Variants in XKR4 observed in about 807,000 individuals in gnomAD.
The protein encoded by XKR4 is XK-related protein 4.
Under a neutral mutation model 53.9 loss-of-function variants are expected in XKR4, and 12 were observed. That is an observed-to-expected ratio of 0.22 (90% CI 0.14 to 0.36). The LOEUF (loss-of-function observed/expected upper bound fraction) is 0.36. XKR4 is among the 10% of genes least tolerant of loss of function. The pLI, the probability that XKR4 is intolerant of heterozygous loss-of-function variation, is 1.00. For synonymous variants in XKR4, 354 were observed against 362.4 expected, an observed-to-expected ratio of 0.98 and a Z score of 0.26; for missense variants, 799 against 859.5, an observed-to-expected ratio of 0.93 and a Z score of 0.88.
At chr8:55,428,718 C>A (rs748856457) in intron 2 of XKR4, among the ~76,000 whole-genome samples, 4 of 152,170 alleles carry the variant, frequency 2.6e-5, no homozygotes, top group Admixed American at 6.6e-5. Context: ...GTAGAGTCAG[C>A]AAAACCTGTG....
At chr8:55,326,150 G>A (rs1200701185) in intron 1 of XKR4, among the ~76,000 whole-genome samples, 1 of 152,176 alleles carries the variant, frequency 6.6e-6, no homozygotes, top group African/African-American at 2.4e-5. Context: ...GATAAATACA[G>A]AGGAAAGAAT....
chr8:55,357,116 T>G (rs965082075), intron 1 of XKR4, among the ~76,000 whole-genome samples: 2 of 152,196 alleles, frequency 1.3e-5, no homozygotes, highest in Non-Finnish European at 2.9e-5. Context: ...TCAACTACAT[T>G]GATATCCCAA....
intron 1 of XKR4, among the ~76,000 whole-genome samples, chr8:55,125,491 C>A (rs1043605540): frequency 5.9e-5 from 9 of 152,216 alleles, no homozygotes; most frequent in Non-Finnish European, 1.3e-4. Context: ...GCCTTGGTCT[C>A]CCAAAGTCCT....
At chr8:55,462,747 A>C (rs191637594) in intron 2 of XKR4, among the ~76,000 whole-genome samples, 1 of 152,212 alleles carries the variant, frequency 6.6e-6, no homozygotes. Context: ...GTGCAGAGAC[A>C]CACATAGGCT....
intron 1 of XKR4, among the ~76,000 whole-genome samples, chr8:55,182,189 T>C (rs1219311343): frequency 6.6e-6 from 1 of 152,160 alleles, no homozygotes; most frequent in Non-Finnish European, 1.5e-5. Context: ...GGCTTATAAA[T>C]GTTACCTTCC....
intron 2 of XKR4, among the ~76,000 whole-genome samples, chr8:55,416,399 A>G (rs1804846237): frequency 6.6e-6 from 1 of 152,234 alleles, no homozygotes; most frequent in Non-Finnish European, 1.5e-5. Context: ...CTCACCATGT[A>G]ATCTTACCCT....
At chr8:55,231,245 A>T (rs1818034925) in intron 1 of XKR4, among the ~76,000 whole-genome samples, 3 of 152,242 alleles carry the variant, frequency 2.0e-5, no homozygotes, top group Non-Finnish European at 2.9e-5. Context: ...ATGAGGAATG[A>T]ACTGAAGTAC....
At chr8:55,457,060 G>A (rs989103913) in intron 2 of XKR4, among the ~76,000 whole-genome samples, 1 of 151,226 alleles carries the variant, frequency 6.6e-6, no homozygotes, top group Non-Finnish European at 1.5e-5. Flanking sequence ...AAAAAAATAT[G>A]ATTAATAGCT....
chr8:55,139,707 A>AGAAT (rs1411049219), intron 1 of XKR4, among the ~76,000 whole-genome samples: 3 of 151,868 alleles, frequency 2.0e-5, no homozygotes, highest in African/African-American at 7.3e-5. Context: ...TTTCTTTGAG[A>AGAAT]GAATACTGAA....
intron 1 of XKR4, among the ~76,000 whole-genome samples, chr8:55,209,318 C>T (rs1448767057): frequency 1.3e-5 from 2 of 152,074 alleles, no homozygotes; most frequent in South Asian, 2.1e-4. Context: ...TTGCTGTCCT[C>T]GTTCCCATTT....
intron 1 of XKR4, among the ~76,000 whole-genome samples, chr8:55,301,404 A>T (rs1418224410): frequency 6.6e-6 from 1 of 151,990 alleles, no homozygotes; most frequent in African/African-American, 2.4e-5. Context: ...GTTGTTGGAC[A>T]TTTGGGTTGG....
intron 1 of XKR4, among the ~76,000 whole-genome samples, chr8:55,193,922 A>G (rs1008304714): frequency 6.6e-6 from 1 of 152,170 alleles, no homozygotes; most frequent in African/African-American, 2.4e-5. Flanking sequence ...CCGACCTTGC[A>G]GAGTGGCTGG....
chr8:55,306,175 C>T (rs986803853), intron 1 of XKR4, among the ~76,000 whole-genome samples: 4 of 152,068 alleles, frequency 2.6e-5, no homozygotes, highest in Admixed American at 2.0e-4. Flanking sequence ...GCATGTGGGC[C>T]GATAAACTGA....
chr8:55,199,911 C>G (rs79059662), intron 1 of XKR4, among the ~76,000 whole-genome samples: 1 of 152,100 alleles, frequency 6.6e-6, no homozygotes, highest in East Asian at 1.9e-4. Context: ...GATGAAGAAA[C>G]CAAAGCTTAA....
intron 2 of XKR4, among the ~76,000 whole-genome samples, chr8:55,437,964 A>T: frequency 8.8e-6 from 1 of 113,272 alleles, no homozygotes; most frequent in South Asian, 2.7e-4. Context: ...CAAAAAAAAA[A>T]AAGAAGAAGA....
intron 1 of XKR4, among the ~76,000 whole-genome samples, chr8:55,104,970 C>CGAA (rs1006253037): frequency 1.8e-4 from 27 of 152,114 alleles, no homozygotes; most frequent in Admixed American, 4.6e-4. Flanking sequence ...CTTAACATTC[C>CGAA]ATTTGTTAAC....
chr8:55,305,177 T>A (rs1819277422), intron 1 of XKR4, among the ~76,000 whole-genome samples: 1 of 152,104 alleles, frequency 6.6e-6, no homozygotes, highest in African/African-American at 2.4e-5. Flanking sequence ...TAATTAATGA[T>A]CATTAAAATT....
intron 2 of XKR4, among the ~76,000 whole-genome samples, chr8:55,481,710 AC>A: frequency 6.6e-6 from 1 of 152,246 alleles, no homozygotes; most frequent in Non-Finnish European, 1.5e-5. Flanking sequence ...AAAAAAACAA[AC>A]AACCCCATCA....
At chr8:55,254,057 T>G (rs1325769020) in intron 1 of XKR4, among the ~76,000 whole-genome samples, 1 of 151,998 alleles carries the variant, frequency 6.6e-6, no homozygotes, top group Non-Finnish European at 1.5e-5. Flanking sequence ...CTCTCCTCTC[T>G]GTCTTGTGCT....
Sources: gnomAD v4.1 joint callset for allele counts (sites outside exome capture counted in the v4.1 genomes callset) on GRCh38, gnomAD v4.1.1 for gene constraint, MANE v1.5 for transcripts, NCBI Gene and HGNC (gene_info 2026-07-23, HGNC 2026-07-21) for gene names.